Variants in SH3GL2 observed in about 807,000 individuals in gnomAD.
The protein encoded by SH3GL2 is SH3 domain containing GRB2 like 2, endophilin A1.
A neutral mutation model predicts 46.0 loss-of-function variants in SH3GL2; 24 were observed. The ratio of observed to expected loss-of-function variants is 0.52; its 90% CI spans 0.38 to 0.73. The LOEUF (loss-of-function observed/expected upper bound fraction) is 0.73. SH3GL2 is among the 30% of genes least tolerant of loss of function. SH3GL2 has a pLI of 0.00. For synonymous variants in SH3GL2, 196 were observed against 147.1 expected (o/e 1.33, Z -2.40); for missense variants, 413 against 424.2 (o/e 0.97, Z 0.23).
rs759704612 is a variant in SH3GL2 at position 17,791,288 on chromosome 9, C to G, written c.682C>G (p.Gln228Glu). Residue 228 changes from glutamine to glutamate, a missense_variant, in exon 7 of 9, where the codon CAG (glutamine) becomes GAG (glutamate). This residue lies in a region of SH3GL2 where 248 missense variants were observed against 215.0 expected (regional missense o/e 1.15). Coordinates refer to ENST00000380607, the MANE Select transcript of SH3GL2 (RefSeq NM_003026.5). ...GCAAGCTCAGCTGGAGTACCACAAG[C>G]AGGCAGTCCAGATCCTGCAGCAAGT... Reference protein sequence around the residue: ...LVQAQLEYHKQAVQILQQVTV... With the variant: ...LVQAQLEYHKEAVQILQQVTV... 2.5e-6 allele frequency: 4 copies of G among 1,613,620 alleles called. No individual in the cohort carries two copies. The East Asian group carries it at 8.9e-5, about 36-fold the overall frequency.
intron 1 of SH3GL2, among the ~76,000 whole-genome samples, chr9:17,740,533 C>T (rs373849508): frequency 4.1e-5 from 6 of 144,968 alleles, no homozygotes; most frequent in African/African-American, 1.5e-4. Flanking sequence ...TAACAAAGAA[C>T]TTTTGCACAG....
intron 1 of SH3GL2, among the ~76,000 whole-genome samples, chr9:17,666,801 T>C (rs574749205): frequency 7.2e-5 from 11 of 152,106 alleles, no homozygotes; most frequent in Non-Finnish European, 1.6e-4. Flanking sequence ...GATCAAAAGG[T>C]AAATGTAAGT....
intron 1 of SH3GL2, among the ~76,000 whole-genome samples, chr9:17,687,962 A>G (rs898755561): frequency 3.6e-4 from 55 of 152,230 alleles, no homozygotes; most frequent in African/African-American, 1.3e-3. Context: ...ATGTTTCTGT[A>G]ATGCTCTAGT....
At chr9:17,707,260 A>G (rs567092642) in intron 1 of SH3GL2, among the ~76,000 whole-genome samples, 6 of 152,088 alleles carry the variant, frequency 3.9e-5, no homozygotes, top group Non-Finnish European at 7.4e-5. Flanking sequence ...ATTCTCATCT[A>G]TCACATCTGA....
rs914247137 is a variant in SH3GL2, at chr9:17,679,112, C to T, written c.46-67954C>T. Among the ~76,000 whole-genome samples the T allele has an allele frequency of 7.2e-5, 11 of 152,000 alleles. No homozygotes were observed. The East Asian group carries it at 1.2e-3, about 16-fold the overall frequency. ...TTGGCTTAGGATTGACTTGGCAATGCGGGCTCTTTTTTGGTTCCATATGAA... is the reference window on the plus strand; with the variant it reads ...TTGGCTTAGGATTGACTTGGCAATGTGGGCTCTTTTTTGGTTCCATATGAA... On this transcript the variant is annotated intron_variant, in intron 1 of 8. Coordinates refer to ENST00000380607, the MANE Select transcript of SH3GL2 (RefSeq NM_003026.5).
At chr9:17,626,737 T>G (rs1819290033) in intron 1 of SH3GL2, among the ~76,000 whole-genome samples, 1 of 152,218 alleles carries the variant, frequency 6.6e-6, no homozygotes, top group South Asian at 2.1e-4. Flanking sequence ...CAGATTCTTG[T>G]GGACATTTGA....
chr9:17,631,241 A>G (rs549692326), intron 1 of SH3GL2, among the ~76,000 whole-genome samples: 7 of 152,248 alleles, frequency 4.6e-5, no homozygotes, highest in African/African-American at 1.2e-4. Context: ...ACATTGTTCT[A>G]TGTTTTCTCT....
intron 1 of SH3GL2, among the ~76,000 whole-genome samples, chr9:17,592,654 G>T (rs900615002): frequency 1.3e-5 from 2 of 152,136 alleles, no homozygotes; most frequent in East Asian, 3.9e-4. Flanking sequence ...AGAATAAAAT[G>T]GATATTTTAA....
At chr9:17,746,076 T>A (rs953220989) in intron 1 of SH3GL2, among the ~76,000 whole-genome samples, 11 of 152,154 alleles carry the variant, frequency 7.2e-5, no homozygotes, top group African/African-American at 2.7e-4. Context: ...GTGTATCTAA[T>A]TTTTTTATTT....
chr9:17,779,829 A>G (rs1374669321), intron 3 of SH3GL2, among the ~76,000 whole-genome samples: 2 of 152,228 alleles, frequency 1.3e-5, no homozygotes, highest in Non-Finnish European at 1.5e-5. Flanking sequence ...CTGCTATACA[A>G]CCACATGGAT....
chr9:17,608,373 C>T (rs1460884849), intron 1 of SH3GL2, among the ~76,000 whole-genome samples: 1 of 152,078 alleles, frequency 6.6e-6, no homozygotes, highest in African/African-American at 2.4e-5. Flanking sequence ...GTCTCGATCT[C>T]CTGACCTCGT....
At chr9:17,614,848 G>A (rs1006377737) in intron 1 of SH3GL2, among the ~76,000 whole-genome samples, 5 of 152,084 alleles carry the variant, frequency 3.3e-5, no homozygotes, top group East Asian at 1.9e-4. Context: ...AGGTTGATGC[G>A]GCTGATGGAA....
rs533172277 is a variant in SH3GL2 at position 17,764,507 on chromosome 9, A to G, written c.187+2998A>G. On this transcript the variant is annotated intron_variant, in intron 3 of 8. Transcript: ENST00000380607. The stretch of plus-strand genomic sequence containing the variant: ...TTCAGTGAACCCTAGAGCTGGGCCA[A>G]CCAGTGTGGATACTGAATGCTGGTT... Among the ~76,000 whole-genome samples the G allele has an allele frequency of 1.9e-4, 29 of 152,336 alleles. 1 individual carries two copies. In the South Asian group the frequency reaches 3.7e-3, roughly 20 times the overall value.
intron 3 of SH3GL2, among the ~76,000 whole-genome samples, chr9:17,767,262 A>G (rs977416743): frequency 2.6e-5 from 4 of 152,206 alleles, no homozygotes; most frequent in African/African-American, 9.6e-5. Context: ...TTCGATGTCT[A>G]TTTAGAATTT....
intron 1 of SH3GL2, among the ~76,000 whole-genome samples, chr9:17,672,475 A>G (rs1485680606): frequency 6.6e-6 from 1 of 152,168 alleles, no homozygotes; most frequent in African/African-American, 2.4e-5. Flanking sequence ...CCCAGATAAT[A>G]TCTGGCATGT....
rs1230406384 is a variant in SH3GL2, at chr9:17,793,405, A to T, written c.767A>T (p.Gln256Leu). The T allele has an allele frequency of 6.2e-7, 1 of 1,613,060 alleles. No homozygotes were observed. The highest frequency in any genetic ancestry group is 1.3e-5 in the African/African-American group (1 of 74,972). Residue 256 changes from glutamine to leucine, a missense_variant, in exon 8 of 9, where the codon CAA becomes CTA. Physicochemically the swap from Gln to Leu is moderately radical, Grantham distance 113. Coordinates refer to ENST00000380607, the MANE Select transcript of SH3GL2 (RefSeq NM_003026.5). ...TCATCTCAGCCTAGAAGGGAATATC[A>T]ACCTAAACCACGAATGAGCCTGGAG... ...QASSQPRREYQPKPRMSLEFP... is the reference protein window; with the variant it reads ...QASSQPRREYLPKPRMSLEFP...
chr9:17,718,494 G>A (rs941900992), intron 1 of SH3GL2, among the ~76,000 whole-genome samples: 1 of 152,094 alleles, frequency 6.6e-6, no homozygotes, highest in Non-Finnish European at 1.5e-5. Context: ...ACGCCAAGGC[G>A]GGTGGATTGC....
intron 3 of SH3GL2, among the ~76,000 whole-genome samples, chr9:17,769,597 C>T (rs1042830775): frequency 2.0e-5 from 3 of 152,124 alleles, no homozygotes; most frequent in African/African-American, 7.2e-5. Flanking sequence ...TGCTGCTCCT[C>T]ATCACTCCAC....
At chr9:17,618,296 C>G (rs1819053316) in intron 1 of SH3GL2, among the ~76,000 whole-genome samples, 2 of 152,092 alleles carry the variant, frequency 1.3e-5, no homozygotes, top group Admixed American at 1.3e-4. Flanking sequence ...TTATCTAGTC[C>G]AAAATGTCAG....
Sources: gnomAD v4.1 joint callset for allele counts (sites outside exome capture counted in the v4.1 genomes callset) on GRCh38, gnomAD v4.1.1 for gene constraint, gnomAD v4.1.1 regional missense constraint, MANE v1.5 for transcripts, NCBI Gene and HGNC (gene_info 2026-07-23, HGNC 2026-07-21) for gene names.